Variants in CSMD1 observed in about 807,000 individuals in gnomAD.
CSMD1 encodes CUB and Sushi multiple domains 1, also known as CUB and sushi domain-containing protein 1.
A neutral mutation model predicts 417.5 loss-of-function variants in CSMD1; 213 were observed. The observed-to-expected ratio is 0.51, with a 90% CI of 0.46 to 0.57. The LOEUF (loss-of-function observed/expected upper bound fraction) is 0.57, where lower values mean the gene tolerates loss of function less well. Among genes scored for constraint, CSMD1 ranks in the 20% least tolerant of loss-of-function variants. CSMD1 has a pLI of 0.00. For synonymous variants in CSMD1, 2,862 were observed against 1,736.8 expected, an observed-to-expected ratio of 1.65 and a Z score of -16.11; for missense variants, 6,923 against 4,529.7, an observed-to-expected ratio of 1.53 and a Z score of -15.17.
intron 7 of CSMD1, among the ~76,000 whole-genome samples, chr8:3,653,444 G>T (rs753858392): frequency 6.6e-6 from 1 of 152,080 alleles, no homozygotes; most frequent in South Asian, 2.1e-4. Context: ...CAGTAGCTGG[G>T]ATTATAGGTG....
At chr8:4,766,328 G>A (rs557025663) in intron 1 of CSMD1, among the ~76,000 whole-genome samples, 2 of 152,166 alleles carry the variant, frequency 1.3e-5, no homozygotes, top group African/African-American at 4.8e-5. Flanking sequence ...TATGCATGAT[G>A]TGGGGGCCTG....
At position 4,763,897 on chromosome 8, in the gene CSMD1, T is replaced by G. The variant is rs114513786; in HGVS notation, c.86-126339A>C. ...AATACATGATTAAGCCACGACTACA[T>G]AACCCTGAGCACTTCAAAATATTGA... On this transcript the variant is annotated intron_variant, in intron 1 of 69. Coordinates refer to ENST00000635120, the MANE Select transcript of CSMD1 (RefSeq NM_033225.6). Among the ~76,000 whole-genome samples, 511 of 152,336 alleles carry G rather than the reference T, an allele frequency of 3.4e-3. 1 individual carries two copies. Among genetic ancestry groups the G allele is most frequent in the African/African-American group, 0.012 (493 of 41,582 alleles).
chr8:4,919,156 T>C (rs951523785), intron 1 of CSMD1, among the ~76,000 whole-genome samples: 1 of 152,134 alleles, frequency 6.6e-6, no homozygotes, highest in Middle Eastern at 3.2e-3. Flanking sequence ...TCAGTTAAAA[T>C]CACTAAAGTA....
chr8:4,306,201 T>G (rs1385168205), intron 3 of CSMD1, among the ~76,000 whole-genome samples: 1 of 152,220 alleles, frequency 6.6e-6, no homozygotes, highest in Non-Finnish European at 1.5e-5. Flanking sequence ...AAAACGCTAG[T>G]GTGCTCTTCA....
intron 1 of CSMD1, among the ~76,000 whole-genome samples, chr8:4,910,051 A>C (rs944003323): frequency 2.0e-5 from 3 of 152,144 alleles, no homozygotes; most frequent in Non-Finnish European, 2.9e-5. Context: ...CAGATTCTTA[A>C]CTCCCACTTT....
rs78990415 is a variant in CSMD1 at position 3,876,239 on chromosome 8, C to T, written c.818+121664G>A. 6.7e-3 allele frequency among the ~76,000 whole-genome samples: 1,016 copies of T among 152,226 alleles called. 7 individuals are homozygous for T. The highest frequency in any genetic ancestry group is 0.011 in the Non-Finnish European group (724 of 68,014). ...TCACCCCTGATATCGCTAAGCCAGA[C>T]GTTTAAAATCAAATGCATTCACGTG... On this transcript the variant is annotated intron_variant, in intron 5 of 69. Coordinates refer to ENST00000635120, the MANE Select transcript of CSMD1 (RefSeq NM_033225.6).
At chr8:3,204,112 C>T (rs907321312) in intron 31 of CSMD1, among the ~76,000 whole-genome samples, 1 of 152,136 alleles carries the variant, frequency 6.6e-6, no homozygotes, top group African/African-American at 2.4e-5. Context: ...ATTAAAGATT[C>T]GCTGTAACTA....
At chr8:3,238,336 T>G (rs951354412) in intron 26 of CSMD1, among the ~76,000 whole-genome samples, 1 of 152,074 alleles carries the variant, frequency 6.6e-6, no homozygotes. Flanking sequence ...AGGCAGGAAC[T>G]GGCCATCTGG....
At chr8:4,759,315 G>C (rs1364171707) in intron 1 of CSMD1, among the ~76,000 whole-genome samples, 1 of 152,194 alleles carries the variant, frequency 6.6e-6, no homozygotes, top group African/African-American at 2.4e-5. Context: ...AGGGCATCTG[G>C]TCTGAAAGCC....
chr8:4,313,361 G>C (rs183914798), intron 3 of CSMD1, among the ~76,000 whole-genome samples: 10 of 152,012 alleles, frequency 6.6e-5, no homozygotes, highest in Admixed American at 6.6e-4. Flanking sequence ...GACCATCATT[G>C]TCACTATGCG....
intron 7 of CSMD1, among the ~76,000 whole-genome samples, chr8:3,667,353 G>T (rs892978322): frequency 4.6e-5 from 7 of 152,104 alleles, no homozygotes; most frequent in Admixed American, 6.6e-5. Context: ...TGTGTAGGAT[G>T]TCATGGAGAT....
At chr8:4,705,764 CTG>C (rs1423121093) in intron 1 of CSMD1, among the ~76,000 whole-genome samples, 1 of 152,100 alleles carries the variant, frequency 6.6e-6, no homozygotes, top group Non-Finnish European at 1.5e-5. Flanking sequence ...TAAAATATGA[CTG>C]AATAATTGAT....
intron 18 of CSMD1, among the ~76,000 whole-genome samples, chr8:3,378,611 C>T (rs144228168): frequency 1.3e-5 from 2 of 152,270 alleles, no homozygotes; most frequent in African/African-American, 2.4e-5. Context: ...AATCAATAAA[C>T]GTAATCCATC....
intron 30 of CSMD1, among the ~76,000 whole-genome samples, chr8:3,210,166 C>T (rs184519919): frequency 5.9e-5 from 9 of 152,242 alleles, no homozygotes; most frequent in Admixed American, 3.3e-4. Context: ...AAATCACAGG[C>T]GCTGGTTCAT....
At chr8:3,804,264 A>G (rs906072272) in intron 5 of CSMD1, among the ~76,000 whole-genome samples, 1 of 152,130 alleles carries the variant, frequency 6.6e-6, no homozygotes, top group Admixed American at 6.6e-5. Context: ...AATTCAAAAC[A>G]TTTAACTTGC....
At chr8:4,321,800 A>G (rs1221570120) in intron 3 of CSMD1, among the ~76,000 whole-genome samples, 1 of 152,198 alleles carries the variant, frequency 6.6e-6, no homozygotes, top group Non-Finnish European at 1.5e-5. Flanking sequence ...CTAAATTTAC[A>G]AAGTACTAAA....
Position 3,435,777 on chromosome 8 carries a change from C to A in CSMD1, c.1562-26172G>T, listed in dbSNP as rs1397221969. Among the ~76,000 whole-genome samples the A allele has an allele frequency of 3.9e-5, 6 of 152,270 alleles. No individual in the cohort carries two copies. The South Asian group carries it at 1.2e-3, about 32-fold the overall frequency. ...GAACAATGTGTGTCAGGTCAGGCAA[C>A]TGCCCTGCACAAAACTTCCATGGCT... On this transcript the variant is annotated intron_variant, in intron 12 of 69. Coordinates refer to ENST00000635120, the MANE Select transcript of CSMD1 (RefSeq NM_033225.6).
chr8:4,902,348 G>C (rs998904549), intron 1 of CSMD1, among the ~76,000 whole-genome samples: 2 of 150,624 alleles, frequency 1.3e-5, no homozygotes, highest in Middle Eastern at 3.5e-3. Context: ...GAGGCAGAAG[G>C]ATTGATTGAG....
chr8:4,157,352 T>C (rs186916773), intron 3 of CSMD1, among the ~76,000 whole-genome samples: 2 of 152,312 alleles, frequency 1.3e-5, no homozygotes, highest in African/African-American at 4.8e-5. Flanking sequence ...TTTACCATCA[T>C]TTTCTTTGAA....
Sources: allele counts gnomAD v4.1 joint callset (sites outside exome capture counted in the v4.1 genomes callset), GRCh38; gene constraint gnomAD v4.1.1; transcripts MANE v1.5; gene names NCBI Gene and HGNC (gene_info 2026-07-23, HGNC 2026-07-21).